TENM3: variants seen among roughly 807,000 people sequenced by gnomAD.
TENM3 encodes teneurin-3.
In TENM3, 63 loss-of-function variants were observed where a neutral mutation model predicts 255.1. The observed-to-expected ratio is 0.25, with a 90% CI of 0.20 to 0.30. TENM3 has a LOEUF of 0.30. Among genes scored for constraint, TENM3 ranks in the 10% least tolerant of loss-of-function variants. TENM3 has a pLI of 1.00. For synonymous variants in TENM3, 1,306 were observed against 1,322.3 expected (o/e 0.99, Z 0.27); for missense variants, 2,929 against 3,461.1 (o/e 0.85, Z 3.86).
In TENM3 at chr4:182,216,567, G is replaced by A. The variant is rs148656324; in HGVS notation, c.-76+71813G>A. ...CTTCATCACCAAGCCTACCTGAATAGGAAAAATAAAGGTGATGTACGTGTG... is the reference window on the plus strand; with the variant it reads ...CTTCATCACCAAGCCTACCTGAATAAGAAAAATAAAGGTGATGTACGTGTG... On this transcript the variant is annotated intron_variant, in intron 1 of 2. Transcript: ENST00000512480. 9.7e-3 allele frequency among the ~76,000 whole-genome samples: 1,477 copies of A among 152,260 alleles called. 9 individuals carry two copies. The highest frequency in any genetic ancestry group is 0.016 in the Non-Finnish European group (1,091 of 68,016).
chr4:182,208,975 T>G (rs1386355800), intron 1 of TENM3, among the ~76,000 whole-genome samples: 3 of 151,696 alleles, frequency 2.0e-5, no homozygotes, highest in Non-Finnish European at 4.4e-5. Context: ...TTTTTTTGTT[T>G]TTTTTTTTTT....
the TENM3 span, among the ~76,000 whole-genome samples, chr4:181,688,544 C>CGTGTCAT: frequency 6.6e-6 from 1 of 152,098 alleles, no homozygotes; most frequent in South Asian, 2.1e-4. Context: ...TTTGCAAGTA[C>CGTGTCAT]GTGTCATTGT....
At chr4:182,567,976 T>C (rs1743966628) in intron 3 of TENM3, among the ~76,000 whole-genome samples, 1 of 152,054 alleles carries the variant, frequency 6.6e-6, no homozygotes, top group African/African-American at 2.4e-5. Context: ...TCAAAACTGG[T>C]AAAGTTGGAA....
At chr4:181,826,499 C>T in the TENM3 span, among the ~76,000 whole-genome samples, 1 of 152,180 alleles carries the variant, frequency 6.6e-6, no homozygotes. Context: ...TCTTTCCCAT[C>T]TCATGTCAGT....
chr4:182,432,849 G>GTGTGTGTGTGTGTGTGTGTGTGTGTGT (rs1554066038), intron 3 of TENM3, among the ~76,000 whole-genome samples: 6,814 of 142,938 alleles, frequency 0.048, 342 homozygotes, highest in Non-Finnish European at 0.056. Context: ...AATGGATTTG[G>GTGTGTGTGTGTGTGTGTGTGTGTGTGT]GTGTGTGTGT....
the TENM3 span, among the ~76,000 whole-genome samples, chr4:181,729,519 C>T: frequency 6.6e-6 from 1 of 152,154 alleles, no homozygotes; most frequent in Non-Finnish European, 1.5e-5. Context: ...ATTTGTTTTA[C>T]AAATTAAATT....
rs185621590 is a variant in TENM3, at chr4:182,183,853, G to A, written c.-76+39099G>A. On this transcript the variant is annotated intron_variant, in intron 1 of 2. Coordinates refer to the TENM3 transcript ENST00000512480. ...TTGGTCTTTTACATTCTAGTCTTCA[G>A]TGGGGAATAAATAGCAAACATATGA... Among the ~76,000 whole-genome samples, 197 of 152,258 alleles carry A rather than the reference G, an allele frequency of 1.3e-3. 1 individual carries two copies. The highest frequency in any genetic ancestry group is 2.5e-3 in the Non-Finnish European group (173 of 68,028).
At chr4:182,176,748 A>G (rs1427034807) in intron 1 of TENM3, among the ~76,000 whole-genome samples, 3 of 151,072 alleles carry the variant, frequency 2.0e-5, no homozygotes, top group Non-Finnish European at 4.4e-5. Flanking sequence ...GCTCACTGCA[A>G]CCTCCTAGGT....
the TENM3 span, among the ~76,000 whole-genome samples, chr4:181,667,351 T>C: frequency 0.29 from 44,140 of 152,074 alleles, 6,613 homozygotes; most frequent in African/African-American, 0.35. Context: ...GTTATTCCTC[T>C]GTTCAAGAAC....
At chr4:182,084,009 C>CA in the TENM3 span, among the ~76,000 whole-genome samples, 1 of 151,984 alleles carries the variant, frequency 6.6e-6, no homozygotes, top group Admixed American at 6.6e-5. Context: ...ATTTAGATGT[C>CA]AAAGTGTAAT....
At chr4:181,822,781 G>A in the TENM3 span, among the ~76,000 whole-genome samples, 1 of 152,124 alleles carries the variant, frequency 6.6e-6, no homozygotes, top group African/African-American at 2.4e-5. Context: ...GGCAATTTTG[G>A]AGGATATCTT....
the TENM3 span, among the ~76,000 whole-genome samples, chr4:182,120,093 GCGCA>G: frequency 0.035 from 142 of 4,074 alleles, no homozygotes; most frequent in African/African-American, 0.062. Flanking sequence ...GCGTGCGTGC[GCGCA>G]CACACACACA....
intron 1 of TENM3, among the ~76,000 whole-genome samples, chr4:182,163,775 G>A (rs75093823): frequency 6.6e-6 from 1 of 152,152 alleles, no homozygotes; most frequent in African/African-American, 2.4e-5. Flanking sequence ...TGCCCAAGAA[G>A]AGCTTGATTT....
At chr4:182,714,802 T>C (rs1031118933) in intron 13 of TENM3, among the ~76,000 whole-genome samples, 2 of 152,236 alleles carry the variant, frequency 1.3e-5, no homozygotes, top group African/African-American at 4.8e-5. Flanking sequence ...CTCCATGTAC[T>C]GTATTTTAAT....
chr4:182,186,136 A>G (rs2149763273), intron 1 of TENM3, among the ~76,000 whole-genome samples: 1 of 152,346 alleles, frequency 6.6e-6, no homozygotes. Flanking sequence ...CTCAAGTATT[A>G]CAATGATTGT....
At chr4:181,696,812 A>G in the TENM3 span, among the ~76,000 whole-genome samples, 1 of 152,186 alleles carries the variant, frequency 6.6e-6, no homozygotes, top group Admixed American at 6.5e-5. Flanking sequence ...TTGAACTCAG[A>G]ACTTGTGACT....
the TENM3 span, among the ~76,000 whole-genome samples, chr4:181,754,284 TCACACACACACA>T: frequency 5.5e-5 from 8 of 144,612 alleles, no homozygotes; most frequent in Non-Finnish European, 7.6e-5. Flanking sequence ...TATATCCCAG[TCACACACACACA>T]CACACACACA....
chr4:182,324,192 C>T lies in TENM3; in HGVS notation c.172C>T (p.Leu58Phe). ...KAFDHDSSRL[L>F]YGNRVKDLVH... ...TTTTGATCATGATTCCTCGCGGCTG[C>T]TTTACGGCAACAGAGTGAAGGATTT... The change falls in exon 2 of 28, where the codon CTT becomes TTT. Residue 58 changes from leucine (L) to phenylalanine (F), a missense_variant. Around this residue, in one of 6 missense-constraint regions of TENM3, gnomAD observed 283 missense variants for 256.9 expected, o/e 1.10. Coordinates refer to ENST00000511685, the MANE Select transcript of TENM3 (RefSeq NM_001080477.4). The T allele has an allele frequency of 6.2e-7, 1 of 1,614,012 alleles. No individual in the cohort carries two copies. The highest frequency in any genetic ancestry group is 8.5e-7 in the Non-Finnish European group (1 of 1,179,906).
At chr4:181,637,348 C>G in the TENM3 span, among the ~76,000 whole-genome samples, 1 of 152,186 alleles carries the variant, frequency 6.6e-6, no homozygotes, top group Non-Finnish European at 1.5e-5. Flanking sequence ...TTTGGCTCCC[C>G]CAGCAACTCC....
Sources: gnomAD v4.1 joint callset for allele counts (sites outside exome capture counted in the v4.1 genomes callset) on GRCh38, gnomAD v4.1.1 for gene constraint, gnomAD v4.1.1 regional missense constraint, MANE v1.5 for transcripts, NCBI Gene and HGNC (gene_info 2026-07-23, HGNC 2026-07-21) for gene names.